The following DIAPH3 variants were observed in gnomAD, a reference collection of about 807,000 sequenced individuals.
DIAPH3 encodes protein diaphanous homolog 3.
DIAPH3 carries 117 observed loss-of-function variants against 144.3 expected under a neutral mutation model. That is an observed-to-expected ratio of 0.81 (90% CI 0.70 to 0.95). The LOEUF is 0.95. DIAPH3 is among the 40% of genes least tolerant of loss of function. The probability of loss-of-function intolerance (pLI) is 0.00; values close to 1 mark genes in which losing one functional copy is unlikely to be tolerated. For synonymous variants in DIAPH3, 519 were observed against 488.9 expected, an observed-to-expected ratio of 1.06 and a Z score of -0.81; for missense variants, 1,421 against 1,412.7, an observed-to-expected ratio of 1.01 and a Z score of -0.09.
intron 1 of DIAPH3, among the ~76,000 whole-genome samples, chr13:60,136,296 G>A (rs577203412): frequency 2.0e-5 from 3 of 152,000 alleles, no homozygotes; most frequent in Non-Finnish European, 4.4e-5. Flanking sequence ...GCTCTTTACT[G>A]TCTTCTAGTT....
intron 2 of DIAPH3, among the ~76,000 whole-genome samples, chr13:60,129,345 A>C (rs1215818262): frequency 6.6e-6 from 1 of 152,176 alleles, no homozygotes; most frequent in Non-Finnish European, 1.5e-5. Context: ...CTAGCACCTA[A>C]GCTGCACTTT....
At chr13:59,744,969 A>G (rs923593700) in intron 27 of DIAPH3, among the ~76,000 whole-genome samples, 2 of 152,196 alleles carry the variant, frequency 1.3e-5, no homozygotes, top group African/African-American at 4.8e-5. Flanking sequence ...CTCACCCCTT[A>G]TAGGTCTGCA....
intron 27 of DIAPH3, among the ~76,000 whole-genome samples, chr13:59,738,155 AG>A (rs1374788992): frequency 4.6e-5 from 7 of 152,158 alleles, no homozygotes; most frequent in Non-Finnish European, 1.0e-4. Flanking sequence ...CGACAGAGAG[AG>A]AATCCATCTC....
intron 27 of DIAPH3, among the ~76,000 whole-genome samples, chr13:59,716,482 A>G (rs910501396): frequency 6.6e-6 from 1 of 152,192 alleles, no homozygotes; most frequent in African/African-American, 2.4e-5. Context: ...GCCCCAGGAA[A>G]CATTTTTAAA....
intron 17 of DIAPH3, among the ~76,000 whole-genome samples, chr13:59,953,505 C>G (rs1566565496): frequency 6.6e-6 from 1 of 152,092 alleles, no homozygotes; most frequent in African/African-American, 2.4e-5. Flanking sequence ...CAGTCAGCCA[C>G]AGCTCCCAGA....
intron 4 of DIAPH3, among the ~76,000 whole-genome samples, chr13:60,086,161 T>C (rs1376034009): frequency 6.6e-6 from 1 of 152,132 alleles, no homozygotes. Flanking sequence ...TAATATAATT[T>C]ACTCCTATAA....
intron 27 of DIAPH3, among the ~76,000 whole-genome samples, chr13:59,730,725 A>C (rs1182466643): frequency 6.6e-6 from 1 of 152,202 alleles, no homozygotes; most frequent in East Asian, 1.9e-4. Context: ...CTTTTGTTAC[A>C]TTGGCAAGTT....
intron 4 of DIAPH3, among the ~76,000 whole-genome samples, chr13:60,070,298 T>TG (rs973443753): frequency 4.9e-5 from 6 of 123,670 alleles, no homozygotes; most frequent in African/African-American, 1.8e-4. Context: ...TTTTTTTTTT[T>TG]GCTCTTTTTT....
chr13:59,974,323 A>G (rs771338065), intron 15 of DIAPH3, 29 bp downstream of exon 15: 1 of 1,552,022 alleles, frequency 6.4e-7, no homozygotes. Context: ...TGTTTTTAAT[A>G]CCCAAATTCA....
Position 60,133,135 on chromosome 13 carries a change from T to C in DIAPH3, c.181-146A>G, listed in dbSNP as rs2059185072. 5 of 585,972 alleles carry C rather than the reference T, an allele frequency of 8.5e-6. No individual in the cohort carries two copies. In the Admixed American group the frequency reaches 1.6e-4, roughly 19 times the overall value. 36.3% of individuals were successfully genotyped at this position (585,972 alleles called of 1,614,324 possible). ...AATAAAAACACATTATATATAATCG[T>C]TTTAATCTCTTTCTCAAAAAGATGG... is the stretch of plus-strand genomic sequence containing the variant. On this transcript the variant is annotated intron_variant, in intron 1 of 27. Coordinates refer to ENST00000400324, the MANE Select transcript of DIAPH3 (RefSeq NM_001042517.2).
intron 25 of DIAPH3, among the ~76,000 whole-genome samples, chr13:59,800,911 A>T (rs775816235): frequency 6.6e-6 from 1 of 152,244 alleles, no homozygotes; most frequent in Non-Finnish European, 1.5e-5. Context: ...ATCTAATAAA[A>T]GTATCCCATG....
chr13:59,702,065 T>C (rs2034139589), intron 27 of DIAPH3, among the ~76,000 whole-genome samples: 1 of 152,236 alleles, frequency 6.6e-6, no homozygotes, highest in Non-Finnish European at 1.5e-5. Context: ...CCTAAGATAG[T>C]TCCTTTACTG....
chr13:59,930,827 C>T (rs2047984115), intron 17 of DIAPH3, among the ~76,000 whole-genome samples: 1 of 152,046 alleles, frequency 6.6e-6, no homozygotes, highest in South Asian at 2.1e-4. Flanking sequence ...TACAGTAATC[C>T]AAACGAAAGT....
At chr13:59,825,482 T>C (rs2041350161) in intron 24 of DIAPH3, among the ~76,000 whole-genome samples, 3 of 152,182 alleles carry the variant, frequency 2.0e-5, no homozygotes, top group African/African-American at 7.2e-5. Context: ...TTGTGAATAG[T>C]GTACAATAAA....
At chr13:59,677,263 T>C (rs1040002350) in intron 27 of DIAPH3, among the ~76,000 whole-genome samples, 1 of 152,094 alleles carries the variant, frequency 6.6e-6, no homozygotes, top group Admixed American at 6.6e-5. Flanking sequence ...GCTGATGACA[T>C]AACATTTTGC....
At chr13:59,737,464 C>A (rs553409271) in intron 27 of DIAPH3, among the ~76,000 whole-genome samples, 48 of 152,154 alleles carry the variant, frequency 3.2e-4, no homozygotes, top group African/African-American at 1.1e-3. Flanking sequence ...GAAATATGAA[C>A]AAAACTTAGG....
chr13:59,809,514 A>G (rs1193570867), intron 25 of DIAPH3, among the ~76,000 whole-genome samples: 1 of 152,088 alleles, frequency 6.6e-6, no homozygotes, highest in East Asian at 1.9e-4. Context: ...AAAAAAAAAA[A>G]AAAAGCTAAT....
Position 59,845,849 on chromosome 13 carries a change from G to C in DIAPH3, c.2738-6401C>G, listed in dbSNP as rs983792230. ...TCTGTCTTCCTCTCCCAAATGGCTGGGAATTCCTTAAGATAAGACACCATT... is the reference window on the plus strand; with the variant it reads ...TCTGTCTTCCTCTCCCAAATGGCTGCGAATTCCTTAAGATAAGACACCATT... On this transcript the variant is annotated intron_variant, in intron 22 of 27. Transcript: ENST00000400324. Among the ~76,000 whole-genome samples the C allele has an allele frequency of 1.3e-5, 2 of 152,012 alleles. 1 individual carries two copies. The highest frequency in any genetic ancestry group is 4.2e-4 in the South Asian group (2 of 4,810).
intron 21 of DIAPH3, among the ~76,000 whole-genome samples, chr13:59,864,939 C>G (rs9570219): frequency 0.053 from 8,027 of 152,026 alleles, 395 homozygotes; most frequent in East Asian, 0.28. Flanking sequence ...CTCAAACTTT[C>G]ATGTAAATAA....
Sources: allele counts gnomAD v4.1 joint callset (sites outside exome capture counted in the v4.1 genomes callset), GRCh38; gene constraint gnomAD v4.1.1; transcripts MANE v1.5; gene names NCBI Gene and HGNC (gene_info 2026-07-23, HGNC 2026-07-21).